The following OGDH variants were observed in gnomAD, a reference collection of about 807,000 sequenced individuals.
OGDH encodes oxoglutarate dehydrogenase, also known as 2-oxoglutarate dehydrogenase complex component E1.
OGDH carries 38 observed loss-of-function variants against 116.6 expected under a neutral mutation model. The ratio of observed to expected loss-of-function variants is 0.33; its 90% confidence interval spans 0.25 to 0.43. OGDH has a LOEUF of 0.43. OGDH is among the 20% of genes least tolerant of loss of function. The pLI is 1.00. For missense variants in OGDH, 825 were observed against 1,357.2 expected (o/e 0.61, Z 6.16); for synonymous variants, 488 against 533.3 (o/e 0.92, Z 1.17).
At chr7:44,701,175 T>G (rs968848996) in intron 19 of OGDH, among the ~76,000 whole-genome samples, 2 of 152,178 alleles carry the variant, frequency 1.3e-5, no homozygotes, top group African/African-American at 2.4e-5. Context: ...GCCCTGGTGC[T>G]TCTTGGTGCT....
chr7:44,690,249 G>A (rs1343668185), intron 10 of OGDH, among the ~76,000 whole-genome samples: 2 of 152,174 alleles, frequency 1.3e-5, no homozygotes, highest in African/African-American at 2.4e-5. Context: ...CAGAAGTTTT[G>A]GATTCCTCCT....
At chr7:44,641,734 A>G (rs1042038800) in intron 2 of OGDH, among the ~76,000 whole-genome samples, 2 of 152,224 alleles carry the variant, frequency 1.3e-5, no homozygotes, top group African/African-American at 4.8e-5. Context: ...TGGATGTCCA[A>G]TGCATGTGGT....
chr7:44,694,100 A>G lies in OGDH; in HGVS notation c.1515+96A>G, dbSNP rs1263179412. The G allele has an allele frequency of 3.0e-6, 4 of 1,346,046 alleles. No homozygotes were observed. The highest frequency in any genetic ancestry group is 5.0e-5 in the East Asian group (2 of 40,206). The allele number at this position is 1,346,046 out of a possible 1,614,324, so 83.4% of individuals were successfully genotyped here. A position where few individuals can be genotyped will look rare whatever the true frequency, so the allele number is the denominator to read the frequency against. On this transcript the variant is annotated intron_variant, in intron 11 of 22. Transcript: ENST00000222673. This position sits in a 1 kb window ranked among gnomAD's most constrained non-coding sequence, Gnocchi z 4.2. Reference sequence around the variant, plus strand: ...GTGTCCCAAGGAGAGGAGCTTGTCTAGATGAGTCACCTCAGGGCTCTCTAC... The same window carrying G: ...GTGTCCCAAGGAGAGGAGCTTGTCTGGATGAGTCACCTCAGGGCTCTCTAC...
Position 44,697,223 on chromosome 7 carries a change from A to G in OGDH, c.2052-147A>G, listed in dbSNP as rs1788625934. ...CTCATTTGCTATGGGTGCTTCTGTT[A>G]AGACCTGGGTGGGGCCGACCCTGCA... On this transcript the variant is annotated intron_variant, in intron 15 of 22. Coordinates refer to ENST00000222673, the MANE Select transcript of OGDH (RefSeq NM_002541.4). The surrounding 1 kb of genome is among the most constrained non-coding windows in gnomAD (Gnocchi z 6.0). 6.2e-6 allele frequency: 9 copies of G among 1,442,454 alleles called. No individual in the cohort carries two copies. The highest frequency in any genetic ancestry group is 2.0e-5 in the Admixed American group (1 of 49,468). 89.4% of individuals were successfully genotyped at this position (1,442,454 alleles called of 1,614,324 possible).
At chr7:44,682,474 G>C (rs983634323) in intron 10 of OGDH, among the ~76,000 whole-genome samples, 11 of 151,954 alleles carry the variant, frequency 7.2e-5, no homozygotes, top group African/African-American at 2.7e-4. Flanking sequence ...AAGGTGGGCA[G>C]ATCACTTGAG....
chr7:44,613,120 C>G (rs888797717), intron 1 of OGDH, among the ~76,000 whole-genome samples: 20 of 152,044 alleles, frequency 1.3e-4, no homozygotes, highest in African/African-American at 4.6e-4. Flanking sequence ...TCGTGATCCA[C>G]TTGCCTCTGC....
At chr7:44,655,284 T>C (rs1455081812) in intron 4 of OGDH, among the ~76,000 whole-genome samples, 17 of 152,218 alleles carry the variant, frequency 1.1e-4, no homozygotes. Flanking sequence ...TTCTTCATCC[T>C]TGCCTTAAGC....
At chr7:44,625,010 T>A (rs541379123) in intron 2 of OGDH, among the ~76,000 whole-genome samples, 2 of 152,330 alleles carry the variant, frequency 1.3e-5, no homozygotes, top group South Asian at 4.1e-4. Context: ...TGTTCGTATT[T>A]TTTTCCTGTT....
At chr7:44,632,127 G>A (rs1158415341) in intron 2 of OGDH, among the ~76,000 whole-genome samples, 1 of 152,160 alleles carries the variant, frequency 6.6e-6, no homozygotes, top group Non-Finnish European at 1.5e-5. Context: ...TATGTGCTGT[G>A]GGAGCATGGA....
At chr7:44,705,346 C>T (rs1358907521) in intron 20 of OGDH, among the ~76,000 whole-genome samples, 1 of 152,134 alleles carries the variant, frequency 6.6e-6, no homozygotes. Context: ...GCCACCGCGC[C>T]CGGCCAAGTT....
intron 18 of OGDH, among the ~76,000 whole-genome samples, chr7:44,698,732 T>A (rs1788697003): frequency 6.6e-6 from 1 of 151,680 alleles, no homozygotes; most frequent in Admixed American, 6.6e-5. Context: ...TCCCAGCTAC[T>A]TGGGAGGCTG....
rs759634619 is a variant in OGDH, at chr7:44,674,502, A to C, written c.880A>C (p.Ile294Leu). Reference protein sequence around the residue: ...EVLIPALKTIIDKSSENGVDY... With the variant: ...EVLIPALKTILDKSSENGVDY... ...ACTGATCCCTGCCCTCAAGACCATCATTGACAAGTCTAGTGAGAATGGCGT... is the reference window on the plus strand; with the variant it reads ...ACTGATCCCTGCCCTCAAGACCATCCTTGACAAGTCTAGTGAGAATGGCGT... The change falls in exon 7 of 23, where the codon ATT becomes CTT. Residue 294 changes from isoleucine to leucine, a missense_variant. Around this residue, in one of 7 missense-constraint regions of OGDH, gnomAD observed 171 missense variants for 276.8 expected, o/e 0.62. Coordinates refer to ENST00000222673, the MANE Select transcript of OGDH (RefSeq NM_002541.4). 1 of 1,614,070 alleles carries C rather than the reference A, an allele frequency of 6.2e-7. No homozygotes were observed. Among genetic ancestry groups the C allele is most frequent in the Non-Finnish European group, 8.5e-7 (1 of 1,180,042 alleles).
intron 10 of OGDH, among the ~76,000 whole-genome samples, chr7:44,688,780 T>C (rs1410307632): frequency 6.6e-6 from 1 of 151,722 alleles, no homozygotes; most frequent in African/African-American, 2.4e-5. Context: ...CCTACTCTCC[T>C]CTCTGTGGCC....
At chr7:44,705,964 G>A (rs377508308) in intron 20 of OGDH, among the ~76,000 whole-genome samples, 1 of 152,072 alleles carries the variant, frequency 6.6e-6, no homozygotes, top group Non-Finnish European at 1.5e-5. Flanking sequence ...TTTTGAGATA[G>A]ATTCTTACCC....
At chr7:44,633,930 G>A (rs754083474) in intron 2 of OGDH, among the ~76,000 whole-genome samples, 5 of 152,226 alleles carry the variant, frequency 3.3e-5, no homozygotes, top group Non-Finnish European at 7.3e-5. Context: ...CGTGAGAAAG[G>A]GGTCACAGTA....
chr7:44,651,066 G>A (rs962433021), intron 4 of OGDH, among the ~76,000 whole-genome samples: 5 of 152,184 alleles, frequency 3.3e-5, no homozygotes, highest in Non-Finnish European at 7.3e-5. Context: ...AAAGCTCCAG[G>A]TAGGGGGCAG....
chr7:44,632,984 T>C (rs981294088), intron 2 of OGDH, among the ~76,000 whole-genome samples: 3 of 151,660 alleles, frequency 2.0e-5, no homozygotes, highest in Non-Finnish European at 4.4e-5. Context: ...CCAGGCACAG[T>C]GGCTCACGCC....
Position 44,708,118 on chromosome 7 carries a change from C to A in OGDH, c.*119C>A. 1 of 1,351,726 alleles carries A rather than the reference C, an allele frequency of 7.4e-7. No individual in the cohort carries two copies. The highest frequency in any genetic ancestry group is 1.0e-6 in the Non-Finnish European group (1 of 992,700). 83.7% of individuals were successfully genotyped at this position (1,351,726 alleles called of 1,614,324 possible). ...ACCACCGCCCTCCTCGCTGTGCCAC[C>A]ACCCCTCCCTCTGCTCTCATAGGAG... On this transcript the variant is annotated 3_prime_UTR_variant, in exon 23 of 23. Coordinates refer to ENST00000222673, the MANE Select transcript of OGDH (RefSeq NM_002541.4).
intron 2 of OGDH, among the ~76,000 whole-genome samples, chr7:44,638,338 C>A (rs966479369): frequency 1.3e-5 from 2 of 152,158 alleles, no homozygotes; most frequent in Admixed American, 1.3e-4. Flanking sequence ...GCCCAAATAC[C>A]ACACTTACTT....
Sources: gnomAD v4.1 joint callset for allele counts (sites outside exome capture counted in the v4.1 genomes callset) on GRCh38, gnomAD v4.1.1 for gene constraint, gnomAD v4.1.1 regional missense constraint, Gnocchi (gnomAD v3.1) non-coding constraint, MANE v1.5 for transcripts, NCBI Gene and HGNC (gene_info 2026-07-23, HGNC 2026-07-21) for gene names.